The following THSD4 variants were observed in gnomAD, a reference collection of about 807,000 sequenced individuals.
The protein encoded by THSD4 is thrombospondin type 1 domain containing 4.
A neutral mutation model predicts 119.0 loss-of-function variants in THSD4; 69 were observed. The ratio of observed to expected loss-of-function variants is 0.58; its 90% CI spans 0.48 to 0.71. The LOEUF (loss-of-function observed/expected upper bound fraction) is 0.71, where lower values mean the gene tolerates loss of function less well. Ranked by LOEUF, THSD4 falls within the 30% of genes least tolerant of loss-of-function variation. The pLI is 0.00. For synonymous variants in THSD4, 524 were observed against 540.4 expected, an observed-to-expected ratio of 0.97 and a Z score of 0.42; for missense variants, 1,393 against 1,391.1, an observed-to-expected ratio of 1.00 and a Z score of -0.02.
chr15:71,313,318 A>G (rs12437910), intron 6 of THSD4, among the ~76,000 whole-genome samples: 116,488 of 152,220 alleles, frequency 0.77, 45,180 homozygotes, highest in East Asian at 0.87. Flanking sequence ...GTGTGTGTGC[A>G]TGTGTTCAGT....
At chr15:71,555,959 C>G (rs898973153) in intron 7 of THSD4, among the ~76,000 whole-genome samples, 5 of 152,112 alleles carry the variant, frequency 3.3e-5, no homozygotes, top group African/African-American at 4.8e-5. Flanking sequence ...TACCAAGTTT[C>G]CATATATATG....
intron 3 of THSD4, among the ~76,000 whole-genome samples, chr15:71,182,696 C>T (rs944727221): frequency 4.3e-4 from 65 of 151,694 alleles, no homozygotes; most frequent in African/African-American, 1.5e-3. Context: ...CAAAATGAAT[C>T]ATAGCACAGT....
At chr15:71,535,631 G>T (rs922263140) in intron 7 of THSD4, among the ~76,000 whole-genome samples, 4 of 152,114 alleles carry the variant, frequency 2.6e-5, no homozygotes, top group Admixed American at 2.6e-4. Context: ...GCCAACATTT[G>T]TTATCACCTG....
At chr15:71,434,595 G>A (rs576920347) in intron 7 of THSD4, among the ~76,000 whole-genome samples, 1 of 152,124 alleles carries the variant, frequency 6.6e-6, no homozygotes, top group South Asian at 2.1e-4. Flanking sequence ...TTAGCGTGGA[G>A]GGATGAAGTT....
intron 6 of THSD4, among the ~76,000 whole-genome samples, chr15:71,366,610 G>A (rs1220195000): frequency 4.6e-5 from 7 of 152,112 alleles, no homozygotes; most frequent in African/African-American, 1.7e-4. Context: ...GGCCCTCTCA[G>A]TTGGGGTCAG....
chr15:71,190,737 C>A (rs1261118437), intron 3 of THSD4, among the ~76,000 whole-genome samples: 1 of 152,106 alleles, frequency 6.6e-6, no homozygotes, highest in Non-Finnish European at 1.5e-5. Context: ...AGAAAGGAAC[C>A]ATTTTTCTGG....
intron 14 of THSD4, among the ~76,000 whole-genome samples, chr15:71,752,845 C>T (rs1475474275): frequency 2.6e-5 from 4 of 152,224 alleles, no homozygotes; most frequent in African/African-American, 9.6e-5. Flanking sequence ...AAAGGTTCAG[C>T]CCCTGGAATG....
chr15:71,275,875 T>C (rs1195064759), intron 6 of THSD4, among the ~76,000 whole-genome samples: 7 of 152,196 alleles, frequency 4.6e-5, no homozygotes, highest in African/African-American at 1.7e-4. Flanking sequence ...CCTTCTGCGA[T>C]GATTCTAAGT....
rs2053544395 is a variant in THSD4 at position 71,756,656 on chromosome 15, C to T, written c.2416-1246C>T. 2.0e-5 allele frequency among the ~76,000 whole-genome samples: 3 copies of T among 152,224 alleles called. No homozygotes were observed. The South Asian group carries it at 6.2e-4, about 32-fold the overall frequency. ...AAAATTAGCTGGACATGGTCGTGAG[C>T]ACCTGGAGCTACTCAGGAGGCTGAG... is the stretch of plus-strand genomic sequence containing the variant. On this transcript the variant is annotated intron_variant, in intron 14 of 17. Coordinates refer to ENST00000261862, the MANE Select transcript of THSD4 (RefSeq NM_024817.3).
chr15:71,160,136 T>C (rs1486306517), intron 3 of THSD4, among the ~76,000 whole-genome samples: 1 of 152,198 alleles, frequency 6.6e-6, no homozygotes, highest in African/African-American at 2.4e-5. Flanking sequence ...GATTTACATA[T>C]GTTGAATCAT....
At chr15:71,232,229 C>T (rs77621343) in intron 4 of THSD4, among the ~76,000 whole-genome samples, 1 of 152,164 alleles carries the variant, frequency 6.6e-6, no homozygotes, top group African/African-American at 2.4e-5. Flanking sequence ...GTGGGGCTGC[C>T]TTGACTTCTT....
Position 71,757,991 on chromosome 15 carries a change from G to T in THSD4, c.2505G>T (p.Gly835=). 19 of 1,614,102 alleles carry T rather than the reference G, an allele frequency of 1.2e-5. No individual in the cohort carries two copies. The highest frequency in any genetic ancestry group is 1.5e-5 in the Non-Finnish European group (18 of 1,180,010). Residue 835 remains glycine, a synonymous_variant, in exon 15 of 18, where the codon GGG becomes GGT. Coordinates refer to ENST00000261862, the MANE Select transcript of THSD4 (RefSeq NM_024817.3). ...GCAGCCTGCCCCTGGAGGGCTGTGG[G>T]AACAACCGGCCGGCAGAGGCCACCC... is the stretch of plus-strand genomic sequence containing the variant. ...HVSSLPLEGC[G]NNRPAEATPC...
intron 6 of THSD4, among the ~76,000 whole-genome samples, chr15:71,325,097 A>G (rs996635032): frequency 5.9e-5 from 9 of 152,164 alleles, no homozygotes; most frequent in African/African-American, 1.4e-4. Flanking sequence ...GGCCATTTGT[A>G]TATCTTCTTT....
chr15:71,389,029 A>G (rs954214311), intron 6 of THSD4, among the ~76,000 whole-genome samples: 3 of 152,152 alleles, frequency 2.0e-5, no homozygotes, highest in African/African-American at 7.2e-5. Flanking sequence ...GCCTGCTGCC[A>G]TGTAAGACTT....
intron 6 of THSD4, among the ~76,000 whole-genome samples, chr15:71,395,664 C>T (rs1363489307): frequency 1.3e-5 from 2 of 151,984 alleles, no homozygotes; most frequent in Non-Finnish European, 2.9e-5. Flanking sequence ...TCGCTTGAAC[C>T]CGGGAGGCAG....
At chr15:71,620,780 G>A (rs1346279411) in intron 7 of THSD4, among the ~76,000 whole-genome samples, 1 of 151,998 alleles carries the variant, frequency 6.6e-6, no homozygotes, top group Admixed American at 6.5e-5. Flanking sequence ...CTCCAACATA[G>A]ACTTATTGCT....
chr15:71,244,517 C>T (rs1284081730), intron 5 of THSD4, among the ~76,000 whole-genome samples: 2 of 152,112 alleles, frequency 1.3e-5, no homozygotes, highest in Non-Finnish European at 2.9e-5. Context: ...TTAGCTTATT[C>T]TTCCACTGTC....
chr15:71,109,731 GAAAA>G (rs10717858), intron 1 of THSD4, among the ~76,000 whole-genome samples: 1 of 132,676 alleles, frequency 7.5e-6, no homozygotes, highest in Non-Finnish European at 1.7e-5. Flanking sequence ...CACTAAAAGA[GAAAA>G]AAAAAAAAAA....
chr15:71,110,255 T>C (rs1430912202), intron 1 of THSD4: 2 of 152,240 alleles, frequency 1.3e-5, no homozygotes, highest in Non-Finnish European at 2.9e-5. Flanking sequence ...TCTTTCAGAA[T>C]GATGGATTTG....
Sources: gnomAD v4.1 joint callset for allele counts (sites outside exome capture counted in the v4.1 genomes callset) on GRCh38, gnomAD v4.1.1 for gene constraint, MANE v1.5 for transcripts, NCBI Gene and HGNC (gene_info 2026-07-23, HGNC 2026-07-21) for gene names.